NOX4: variants seen among roughly 807,000 people sequenced by gnomAD.
NOX4 encodes kidney oxidase-1.
Under a neutral mutation model 87.6 loss-of-function variants are expected in NOX4, and 69 were observed. The observed-to-expected ratio is 0.79, with a 90% CI of 0.65 to 0.96. The LOEUF (loss-of-function observed/expected upper bound fraction) is 0.96. Among genes scored for constraint, NOX4 ranks in the 40% least tolerant of loss-of-function variants. NOX4 has a pLI of 0.00. For missense variants in NOX4, 680 were observed against 681.5 expected (o/e 1.00, Z 0.02); for synonymous variants, 275 against 238.2 (o/e 1.15, Z -1.42).
At chr11:89,567,650 C>T in the NOX4 span, among the ~76,000 whole-genome samples, 1 of 152,158 alleles carries the variant, frequency 6.6e-6, no homozygotes, top group African/African-American at 2.4e-5. Flanking sequence ...TGAGAACTCA[C>T]TCACTATCAC....
At chr11:89,552,804 C>T in the NOX4 span, among the ~76,000 whole-genome samples, 1 of 149,214 alleles carries the variant, frequency 6.7e-6, no homozygotes, top group African/African-American at 2.5e-5. Context: ...AGTAGTGAGA[C>T]TGTAGGACAA....
chr11:89,466,593 A>C (rs928786696), intron 2 of NOX4, among the ~76,000 whole-genome samples: 4 of 152,208 alleles, frequency 2.6e-5, no homozygotes, highest in Non-Finnish European at 5.9e-5. Flanking sequence ...ATTTATTGTA[A>C]TCGGCACATA....
the NOX4 span, among the ~76,000 whole-genome samples, chr11:89,537,876 C>T: frequency 6.6e-6 from 1 of 152,122 alleles, no homozygotes; most frequent in East Asian, 1.9e-4. Context: ...TTTTCATCTC[C>T]AGCTCTAACT....
chr11:89,437,949 G>T (rs915792216), intron 6 of NOX4, among the ~76,000 whole-genome samples: 1 of 151,736 alleles, frequency 6.6e-6, no homozygotes. Flanking sequence ...GTAGCGAGAC[G>T]GTATGCTCAA....
At chr11:89,469,389 A>G (rs926663701) in intron 2 of NOX4, among the ~76,000 whole-genome samples, 4 of 152,218 alleles carry the variant, frequency 2.6e-5, no homozygotes, top group African/African-American at 9.6e-5. Flanking sequence ...AAATATTTTA[A>G]AATTCTGATT....
At chr11:89,383,466 C>T (rs552144618) in intron 11 of NOX4, among the ~76,000 whole-genome samples, 39 of 152,312 alleles carry the variant, frequency 2.6e-4, no homozygotes, top group African/African-American at 8.9e-4. Context: ...ACTAATGCTG[C>T]CCGATCGCCT....
Position 89,421,903 on chromosome 11 carries a change from C to G in NOX4, c.628G>C (p.Gly210Arg). 6.4e-7 allele frequency: 1 copy of G among 1,559,634 alleles called. No individual in the cohort carries two copies. The highest frequency in any genetic ancestry group is 1.2e-5 in the South Asian group (1 of 83,034). The part of the protein sequence containing the change: ...FYMLLTLHVS[G>R]GLLKYQTNLD... ...AAATACATACATTTGTAAACTTACC[C>G]TGAAACATGCAACGTCAGCAGCATG... Residue 210 changes from glycine (G) to arginine (R), a missense_variant and splice_region_variant, in exon 8 of 18, where the codon GGA becomes CGA. By Grantham distance (125) the Gly-to-Arg change is moderately radical. Transcript: ENST00000263317.
At chr11:89,586,478 C>T in the NOX4 span, among the ~76,000 whole-genome samples, 2 of 152,108 alleles carry the variant, frequency 1.3e-5, no homozygotes, top group African/African-American at 4.8e-5. Context: ...TGAGTATAGG[C>T]CTGCCAAACA....
intron 2 of NOX4, among the ~76,000 whole-genome samples, chr11:89,464,612 T>C (rs1268735859): frequency 6.6e-6 from 1 of 152,146 alleles, no homozygotes; most frequent in East Asian, 1.9e-4. Context: ...ATGTGTCCAG[T>C]CCATTCTATG....
chr11:89,410,287 A>C (rs998180500), intron 8 of NOX4, among the ~76,000 whole-genome samples: 27 of 152,182 alleles, frequency 1.8e-4, no homozygotes, highest in Non-Finnish European at 2.8e-4. Flanking sequence ...ACAAAATGAC[A>C]GTCCAAGTTA....
the NOX4 span, among the ~76,000 whole-genome samples, chr11:89,568,527 T>A: frequency 3.3e-5 from 5 of 152,128 alleles, no homozygotes; most frequent in Non-Finnish European, 7.3e-5. Context: ...TTGAAAGTAA[T>A]CAGAGATTAA....
At chr11:89,478,210 A>G (rs1946247922) in intron 2 of NOX4, among the ~76,000 whole-genome samples, 1 of 152,192 alleles carries the variant, frequency 6.6e-6, no homozygotes, top group Admixed American at 6.5e-5. Flanking sequence ...TGACAAAAAA[A>G]AATCTTATAA....
At chr11:89,564,743 G>T in the NOX4 span, among the ~76,000 whole-genome samples, 1 of 117,586 alleles carries the variant, frequency 8.5e-6, no homozygotes. Flanking sequence ...TGTTGTTGTT[G>T]TTTGTTTTTT....
intron 8 of NOX4, among the ~76,000 whole-genome samples, chr11:89,419,630 ATAAT>A (rs1168348914): frequency 6.6e-6 from 1 of 151,872 alleles, no homozygotes; most frequent in East Asian, 1.9e-4. Context: ...ATTTAGTTTA[ATAAT>A]TGATTGATTA....
chr11:89,451,878 G>T lies in NOX4; in HGVS notation c.171C>A (p.Ser57Arg). 1 of 1,612,256 alleles carries T rather than the reference G, an allele frequency of 6.2e-7. No individual in the cohort carries two copies. The highest frequency in any genetic ancestry group is 8.5e-7 in the Non-Finnish European group (1 of 1,178,522). ...HQMLGLGLCL[S>R]RASASVLNLN... is the part of the protein sequence containing the mutation. ...GGTTAAGAACAGATGCTGAGGCTCT[G>T]CTTAGACACAATCCTAGCTGAACAA... Residue 57 changes from serine (S) to arginine (R), a missense_variant, in exon 3 of 18, where the codon AGC becomes AGA. Physicochemically the swap from Ser to Arg is moderately radical, Grantham distance 110. Transcript: ENST00000263317.
chr11:89,415,300 T>A (rs3862354), intron 8 of NOX4, among the ~76,000 whole-genome samples: 1 of 151,856 alleles, frequency 6.6e-6, no homozygotes, highest in African/African-American at 2.4e-5. Flanking sequence ...AAGTTGTTCA[T>A]TATATTTGTC....
chr11:89,580,437 T>C, the NOX4 span, among the ~76,000 whole-genome samples: 4 of 152,160 alleles, frequency 2.6e-5, no homozygotes, highest in Admixed American at 6.5e-5. Context: ...CTCCCTAGAC[T>C]TCCTGAAGTG....
At chr11:89,583,601 T>C in the NOX4 span, among the ~76,000 whole-genome samples, 3 of 152,192 alleles carry the variant, frequency 2.0e-5, no homozygotes, top group Non-Finnish European at 2.9e-5. Context: ...TAAAAAATTT[T>C]CTTACAAAAA....
chr11:89,548,610 G>A, the NOX4 span: 1 of 152,098 alleles, frequency 6.6e-6, no homozygotes, highest in Non-Finnish European at 1.5e-5. Context: ...TAGACAGTGA[G>A]GCCTTTCCTC....
Sources: allele counts gnomAD v4.1 joint callset (sites outside exome capture counted in the v4.1 genomes callset), GRCh38; gene constraint gnomAD v4.1.1; transcripts MANE v1.5; gene names NCBI Gene and HGNC (gene_info 2026-07-23, HGNC 2026-07-21).